The following ZNF676 variants were observed in gnomAD, a reference collection of about 807,000 sequenced individuals.
ZNF676 encodes zinc finger protein 676.
In ZNF676, 4 loss-of-function variants were observed where a neutral mutation model predicts 6.0. The observed-to-expected ratio is 0.67, with a 90% CI of 0.33 to 1.53. The LOEUF is 1.53. Ranked by LOEUF, ZNF676 falls within the 40% of genes most tolerant of loss-of-function variation. ZNF676 has a pLI of 0.06. For missense variants in ZNF676, 644 were observed against 679.7 expected, an observed-to-expected ratio of 0.95 and a Z score of 0.58; for synonymous variants, 198 against 223.1, an observed-to-expected ratio of 0.89 and a Z score of 1.00.
intron 2 of ZNF676, among the ~76,000 whole-genome samples, chr19:22,183,708 A>G (rs1253895725): frequency 6.6e-6 from 1 of 152,218 alleles, no homozygotes; most frequent in African/African-American, 2.4e-5. Flanking sequence ...ATCTAATGTT[A>G]AAAAGACTCA....
rs1408661914 is a variant in ZNF676 at position 22,181,387 on chromosome 19, G to A, written c.330C>T (p.Ser110=). 6.2e-7 allele frequency: 1 copy of A among 1,613,646 alleles called. No individual in the cohort carries two copies. ...KLNQSLTTTQ[S]KVFQCGKYAN... Reference sequence around the variant, plus strand: ...CATATTTGCCACATTGAAATACTTTGCTCTGTGTAGTTGTTAAACTCTGGT... The same window carrying A: ...CATATTTGCCACATTGAAATACTTTACTCTGTGTAGTTGTTAAACTCTGGT... The change falls in exon 3 of 3, where the codon AGC becomes AGT. Residue 110 remains serine, a synonymous_variant. Coordinates refer to ENST00000397121, the MANE Select transcript of ZNF676 (RefSeq NM_001001411.3).
intron 2 of ZNF676, among the ~76,000 whole-genome samples, chr19:22,192,098 C>A (rs2023915220): frequency 6.6e-6 from 1 of 152,242 alleles, no homozygotes; most frequent in African/African-American, 2.4e-5. Context: ...ACATTAAAAT[C>A]TTTTCAAACT....
chr19:22,232,452 C>T, the ZNF676 span, among the ~76,000 whole-genome samples: 1 of 152,082 alleles, frequency 6.6e-6, no homozygotes, highest in Non-Finnish European at 1.5e-5. Context: ...AGGCATGAGC[C>T]ACCACATCCA....
At chr19:22,195,927 G>A (rs573395936) in intron 1 of ZNF676, among the ~76,000 whole-genome samples, 69 of 152,254 alleles carry the variant, frequency 4.5e-4, no homozygotes, top group African/African-American at 1.6e-3. Context: ...TTCCAGCAAG[G>A]CCTGGAGAGC....
chr19:22,201,645 T>A (rs1235600248), upstream of ZNF676, among the ~76,000 whole-genome samples: 1 of 148,792 alleles, frequency 6.7e-6, no homozygotes, highest in Admixed American at 6.8e-5. Flanking sequence ...TGGGTCAAGC[T>A]TAAGGATTTT....
At chr19:22,202,185 C>T (rs368752045) in intron 1 of ZNF676, among the ~76,000 whole-genome samples, 20 of 152,176 alleles carry the variant, frequency 1.3e-4, no homozygotes, top group Admixed American at 6.5e-4. Flanking sequence ...TGGATTCTCA[C>T]GTCTACAGGT....
Position 22,193,020 on chromosome 19 carries a change from G to T in ZNF676, c.126C>A (p.Pro42=). 1.2e-6 allele frequency: 2 copies of T among 1,604,338 alleles called. No individual in the cohort carries two copies. ...NMKRHEMVEE[P]PVICSHFSQE... Reference sequence around the variant, plus strand: ...TCTGTATTCACTCTCACCTACCTGGGGGTTCTTCCACCATCTCATGTCTCT... The same window carrying T: ...TCTGTATTCACTCTCACCTACCTGGTGGTTCTTCCACCATCTCATGTCTCT... The change falls in exon 2 of 3, where the codon CCC becomes CCA. Residue 42 remains proline, a synonymous_variant. Transcript: ENST00000397121.
intron 2 of ZNF676, among the ~76,000 whole-genome samples, chr19:22,188,163 CAAGA>C (rs2144742062): frequency 6.6e-6 from 1 of 152,176 alleles, no homozygotes; most frequent in East Asian, 1.9e-4. Flanking sequence ...GCTTATCCAC[CAAGA>C]TCAAGTTGGC....
chr19:22,220,520 C>T (rs185266058), upstream of ZNF676, among the ~76,000 whole-genome samples: 122 of 147,660 alleles, frequency 8.3e-4, 4 homozygotes, highest in South Asian at 0.025. Flanking sequence ...TGCAGTGGTG[C>T]GATGTTGACT....
intron 2 of ZNF676, among the ~76,000 whole-genome samples, chr19:22,190,462 A>G (rs932482021): frequency 2.0e-5 from 3 of 151,812 alleles, no homozygotes; most frequent in African/African-American, 7.3e-5. Context: ...CCCTAAAAGT[A>G]TATAGAATCT....
chr19:22,239,717 T>C, the ZNF676 span, among the ~76,000 whole-genome samples: 1 of 152,132 alleles, frequency 6.6e-6, no homozygotes, highest in African/African-American at 2.4e-5. Flanking sequence ...AGTCACAACA[T>C]TTGGGTGCTG....
At chr19:22,235,164 GAA>G in the ZNF676 span, among the ~76,000 whole-genome samples, 1 of 151,106 alleles carries the variant, frequency 6.6e-6, no homozygotes, top group African/African-American at 2.4e-5. Context: ...AAGAAAGAAA[GAA>G]AAAAACTCTA....
chr19:22,194,382 T>C (rs1329073907), intron 1 of ZNF676, among the ~76,000 whole-genome samples: 4 of 152,200 alleles, frequency 2.6e-5, no homozygotes, highest in African/African-American at 7.2e-5. Flanking sequence ...ACACAAAGCT[T>C]GGGGAATTAC....
At position 22,205,769 on chromosome 19, in the gene ZNF676, T is replaced by A. The variant is rs185383540; in HGVS notation, c.4-9043A>T. On this transcript the variant is annotated intron_variant, in intron 1 of 3. Coordinates refer to the ZNF676 transcript ENST00000650058. ...AAAGACTGAGAGCAACAAAAGCAAA[T>A]CAGCCCCTAAGCTAGCAAAAGACAA... is the stretch of plus-strand genomic sequence containing the variant. Among the ~76,000 whole-genome samples, 8 of 151,812 alleles carry A rather than the reference T, an allele frequency of 5.3e-5. 1 individual carries two copies. The highest frequency in any genetic ancestry group is 5.3e-4 in the Admixed American group (8 of 15,238).
chr19:22,195,769 C>T (rs1431753123), intron 1 of ZNF676, among the ~76,000 whole-genome samples: 1 of 152,144 alleles, frequency 6.6e-6, no homozygotes, highest in Non-Finnish European at 1.5e-5. Context: ...ATAACCAAAG[C>T]GAGTATCCAT....
upstream of ZNF676, among the ~76,000 whole-genome samples, chr19:22,199,984 G>C (rs1432948389): frequency 3.9e-5 from 6 of 152,074 alleles, no homozygotes; most frequent in African/African-American, 1.4e-4. Context: ...CTTCTAATCA[G>C]TTCTTTGAGG....
chr19:22,226,580 G>A, the ZNF676 span, among the ~76,000 whole-genome samples: 1 of 128,146 alleles, frequency 7.8e-6, no homozygotes, highest in Admixed American at 9.4e-5. Flanking sequence ...ATTTTATTTA[G>A]AGAGAGAAGG....
At chr19:22,219,033 A>ATTT (rs34819381), upstream of ZNF676, among the ~76,000 whole-genome samples, 313 of 119,688 alleles carry the variant, frequency 2.6e-3, 1 homozygote, top group African/African-American at 9.0e-3. Flanking sequence ...TAGTTTTAGG[A>ATTT]TTTTTTTTTT....
At chr19:22,184,771 G>A (rs138971552) in intron 2 of ZNF676, among the ~76,000 whole-genome samples, 1 of 139,894 alleles carries the variant, frequency 7.1e-6, no homozygotes, top group East Asian at 2.3e-4. Flanking sequence ...GCCCACCGCA[G>A]CTAGCAAGAC....
Sources: allele counts gnomAD v4.1 joint callset (sites outside exome capture counted in the v4.1 genomes callset), GRCh38; gene constraint gnomAD v4.1.1; transcripts MANE v1.5; gene names NCBI Gene and HGNC (gene_info 2026-07-23, HGNC 2026-07-21).